KIAA0825: variants seen among roughly 807,000 people sequenced by gnomAD.
KIAA0825 encodes the protein KIAA0825.
Under a neutral mutation model 147.6 loss-of-function variants are expected in KIAA0825, and 119 were observed. That is an observed-to-expected ratio of 0.81 (90% CI 0.69 to 0.94). The LOEUF is 0.94. KIAA0825 is among the 40% of genes least tolerant of loss of function. KIAA0825 has a pLI of 0.00. For synonymous variants in KIAA0825, 470 were observed against 518.1 expected (o/e 0.91, Z 1.26); for missense variants, 1,381 against 1,472.7 (o/e 0.94, Z 1.02).
chr5:94,417,778 G>A (rs545228069), intron 14 of KIAA0825, among the ~76,000 whole-genome samples: 1 of 152,112 alleles, frequency 6.6e-6, no homozygotes, highest in Admixed American at 6.5e-5. Context: ...TACTAACATT[G>A]TACCATGGGA....
intron 5 of KIAA0825, among the ~76,000 whole-genome samples, chr5:94,495,718 G>A (rs1476758255): frequency 6.6e-6 from 1 of 152,198 alleles, no homozygotes; most frequent in Non-Finnish European, 1.5e-5. Context: ...AAAACTCAGT[G>A]TTGAAAAAAG....
intron 3 of KIAA0825, among the ~76,000 whole-genome samples, chr5:94,524,490 A>G (rs1451194983): frequency 6.6e-6 from 1 of 151,760 alleles, no homozygotes; most frequent in Non-Finnish European, 1.5e-5. Flanking sequence ...GACTATATAA[A>G]TTATGAAAAA....
At chr5:94,601,961 A>G (rs991578774) in intron 1 of KIAA0825, among the ~76,000 whole-genome samples, 3 of 152,230 alleles carry the variant, frequency 2.0e-5, no homozygotes, top group Admixed American at 6.5e-5. Context: ...CCAATTTGGA[A>G]AACATATTTC....
chr5:94,347,690 T>C (rs1248175529), intron 20 of KIAA0825, among the ~76,000 whole-genome samples: 1 of 152,040 alleles, frequency 6.6e-6, no homozygotes, highest in Non-Finnish European at 1.5e-5. Flanking sequence ...AAAGAGCCTA[T>C]CCAAATGAGA....
At chr5:94,399,681 T>C (rs1228488329) in intron 16 of KIAA0825, among the ~76,000 whole-genome samples, 1 of 152,086 alleles carries the variant, frequency 6.6e-6, no homozygotes, top group Non-Finnish European at 1.5e-5. Context: ...ACATATTGTG[T>C]CATCCAATTT....
At chr5:94,322,180 T>C (rs181006793) in intron 20 of KIAA0825, among the ~76,000 whole-genome samples, 195 of 152,052 alleles carry the variant, frequency 1.3e-3, no homozygotes, top group African/African-American at 4.5e-3. Context: ...TTATTTGGAC[T>C]TTAAAACTCT....
intron 20 of KIAA0825, among the ~76,000 whole-genome samples, chr5:94,207,188 T>C (rs1373249683): frequency 6.6e-6 from 1 of 152,202 alleles, no homozygotes; most frequent in African/African-American, 2.4e-5. Context: ...TACTCTGTTC[T>C]ATTACAATCA....
At chr5:94,547,228 C>T (rs1436717252) in intron 2 of KIAA0825, among the ~76,000 whole-genome samples, 1 of 151,712 alleles carries the variant, frequency 6.6e-6, no homozygotes, top group Non-Finnish European at 1.5e-5. Context: ...AGAAAATAGC[C>T]TGAAAAGGGC....
intron 20 of KIAA0825, among the ~76,000 whole-genome samples, chr5:94,343,049 C>T (rs1782591537): frequency 6.6e-6 from 1 of 152,046 alleles, no homozygotes; most frequent in Non-Finnish European, 1.5e-5. Flanking sequence ...AGATGGACAA[C>T]ATACCTTTGC....
chr5:94,536,932 C>A, intron 3 of KIAA0825, 64 bp downstream of exon 3: 2 of 1,133,870 alleles, frequency 1.8e-6, no homozygotes, highest in Admixed American at 2.1e-5. Flanking sequence ...TACAAATAGA[C>A]CAGGTAAATT....
chr5:94,417,146 G>T, intron 15 of KIAA0825, 55 bp downstream of exon 15: 1 of 1,458,728 alleles, frequency 6.9e-7, no homozygotes. Flanking sequence ...CATCTTTAAA[G>T]GTACATATAA....
rs749566055 is a variant in KIAA0825 at position 94,396,143 on chromosome 5, A to G, written c.3254T>C (p.Ile1085Thr). 1.3e-6 allele frequency: 2 copies of G among 1,523,390 alleles called. No homozygotes were observed. The highest frequency in any genetic ancestry group is 1.3e-5 in the South Asian group (1 of 78,556). 94.4% of individuals were successfully genotyped at this position (1,523,390 alleles called of 1,614,324 possible). A position where few individuals can be genotyped will look rare whatever the true frequency, so the allele number is the denominator to read the frequency against. ...CCTTGCTTTCAACAATTGACGTTCA[A>G]TCCAGTTGGGCTTCTGCTGCTCAAT... is the stretch of plus-strand genomic sequence containing the variant. ...QSIEQQKPNW[I>T]ERQLLKARKL... Residue 1085 changes from isoleucine to threonine, a missense_variant, in exon 17 of 21, where the codon ATT becomes ACT. Physicochemically the swap from Ile to Thr is moderately conservative, Grantham distance 89. Coordinates refer to ENST00000682413, the MANE Select transcript of KIAA0825 (RefSeq NM_001145678.3).
intron 1 of KIAA0825, among the ~76,000 whole-genome samples, chr5:94,587,833 G>T (rs987971918): frequency 6.6e-6 from 1 of 152,084 alleles, no homozygotes; most frequent in African/African-American, 2.4e-5. Flanking sequence ...GCATGCTACT[G>T]GTACCAAAAC....
In KIAA0825 at chr5:94,405,597, T is replaced by C. The variant is rs1751937270; in HGVS notation, c.2663-1804A>G. 2.0e-5 allele frequency among the ~76,000 whole-genome samples: 3 copies of C among 152,336 alleles called. No individual in the cohort carries two copies. In the South Asian group the frequency reaches 6.2e-4, roughly 32 times the overall value. ...TTCCTGCTTTAGAAAATTAGTTTCT[T>C]TGATGCTTCATAACTTTAGCTGTTA... On this transcript the variant is annotated intron_variant, in intron 15 of 20. Coordinates refer to ENST00000682413, the MANE Select transcript of KIAA0825 (RefSeq NM_001145678.3).
At chr5:94,472,938 G>A (rs1236412003) in intron 8 of KIAA0825, among the ~76,000 whole-genome samples, 1 of 152,070 alleles carries the variant, frequency 6.6e-6, no homozygotes, top group Non-Finnish European at 1.5e-5. Context: ...ATTTTTTTAA[G>A]TGCCCAAAGC....
At chr5:94,532,746 G>A (rs578062642) in intron 3 of KIAA0825, among the ~76,000 whole-genome samples, 3 of 148,264 alleles carry the variant, frequency 2.0e-5, no homozygotes, top group South Asian at 2.1e-4. Flanking sequence ...TGTTGCCCAG[G>A]CTAGTTTTAA....
At chr5:94,548,903 C>T (rs530503290) in intron 2 of KIAA0825, among the ~76,000 whole-genome samples, 5 of 152,122 alleles carry the variant, frequency 3.3e-5, no homozygotes, top group African/African-American at 9.6e-5. Flanking sequence ...TATATGCACC[C>T]AACACTGGAG....
rs1314647437 is a variant in KIAA0825 at position 94,152,620 on chromosome 5, T to TGG, written c.*1385_*1386dup. 6.6e-6 allele frequency among the ~76,000 whole-genome samples: 1 copy of TGG among 151,008 alleles called. No individual in the cohort carries two copies. Among genetic ancestry groups the TGG allele is most frequent in the East Asian group, 2.0e-4 (1 of 5,108 alleles). On this transcript the variant is annotated 3_prime_UTR_variant, in exon 21 of 21. Coordinates refer to ENST00000682413, the MANE Select transcript of KIAA0825 (RefSeq NM_001145678.3). ...TGAGACAAGGAGTTCAAGTCCAGCC[T>TGG]GGGCAACATAGTGAGACCTCATCTT...
rs1175360792 is a variant in KIAA0825, at chr5:94,152,856, TTATATATATATATATATATATATA to T, written c.*1127_*1150del. The T allele has an allele frequency of 3.6e-3, 10 of 2,774 alleles. 1 individual carries two copies. The highest frequency in any genetic ancestry group is 5.3e-3 in the African/African-American group (5 of 952). 0.2% of individuals were successfully genotyped at this position (2,774 alleles called of 1,614,324 possible). ...AAAAAAAAAAAAAAAAAAAAAAAAA[TTATATATATATATATATATATATA>T]TATATATATATATATATATATATGG... On this transcript the variant is annotated 3_prime_UTR_variant, in exon 21 of 21. Coordinates refer to ENST00000682413, the MANE Select transcript of KIAA0825 (RefSeq NM_001145678.3).
Sources: allele counts gnomAD v4.1 joint callset (sites outside exome capture counted in the v4.1 genomes callset), GRCh38; gene constraint gnomAD v4.1.1; transcripts MANE v1.5; gene names NCBI Gene and HGNC (gene_info 2026-07-23, HGNC 2026-07-21).